The following PLCH1 variants were observed in gnomAD, a reference collection of about 807,000 sequenced individuals.
PLCH1 encodes phospholipase C eta 1.
Under a neutral mutation model 126.7 loss-of-function variants are expected in PLCH1, and 60 were observed. The observed-to-expected ratio is 0.47, with a 90% CI of 0.38 to 0.59. The LOEUF (loss-of-function observed/expected upper bound fraction) is 0.59, where lower values mean the gene tolerates loss of function less well. PLCH1 is among the 20% of genes least tolerant of loss of function. The pLI is 0.00. For synonymous variants in PLCH1, 719 were observed against 734.9 expected (o/e 0.98, Z 0.35); for missense variants, 1,723 against 2,040.0 (o/e 0.84, Z 2.99).
At chr3:155,499,924 A>C (rs1323788671) in intron 14 of PLCH1, among the ~76,000 whole-genome samples, 1 of 152,172 alleles carries the variant, frequency 6.6e-6, no homozygotes, top group Non-Finnish European at 1.5e-5. Context: ...CTCAAATATA[A>C]AGTTTAATTG....
intron 2 of PLCH1, among the ~76,000 whole-genome samples, chr3:155,621,310 C>A (rs1349992472): frequency 6.6e-6 from 1 of 152,146 alleles, no homozygotes; most frequent in Non-Finnish European, 1.5e-5. Flanking sequence ...GGGGGAGAAA[C>A]CAGCGCAAAA....
intron 7 of PLCH1, among the ~76,000 whole-genome samples, chr3:155,567,601 A>T (rs1057069123): frequency 2.6e-5 from 4 of 152,206 alleles, no homozygotes; most frequent in African/African-American, 9.7e-5. Context: ...CTTGGGTGGC[A>T]GCCTACATAG....
intron 2 of PLCH1, among the ~76,000 whole-genome samples, chr3:155,649,159 A>C (rs1740399977): frequency 6.6e-6 from 1 of 152,180 alleles, no homozygotes; most frequent in Non-Finnish European, 1.5e-5. Context: ...GGAGTGACTG[A>C]GACCAGGGCA....
chr3:155,699,729 C>G (rs1011361137), intron 2 of PLCH1, among the ~76,000 whole-genome samples: 1 of 152,014 alleles, frequency 6.6e-6, no homozygotes, highest in African/African-American at 2.4e-5. Context: ...GCTTTTCACT[C>G]TTCATTTTTG....
chr3:155,471,131 C>T (rs978486095), intron 21 of PLCH1, among the ~76,000 whole-genome samples: 1 of 152,232 alleles, frequency 6.6e-6, no homozygotes, highest in African/African-American at 2.4e-5. Context: ...CACAGACTGG[C>T]AAATTGGATA....
At chr3:155,517,676 T>C (rs755387823) in intron 11 of PLCH1, among the ~76,000 whole-genome samples, 1 of 152,192 alleles carries the variant, frequency 6.6e-6, no homozygotes, top group Non-Finnish European at 1.5e-5. Flanking sequence ...TATCTTGAAG[T>C]CCTTAACTTA....
rs1714461448 is a variant in PLCH1 at position 155,483,167 on chromosome 3, G to C, written c.2975-116C>G. 23 of 1,049,264 alleles carry C rather than the reference G, an allele frequency of 2.2e-5. No individual in the cohort carries two copies. The South Asian group carries it at 2.9e-4, about 13-fold the overall frequency. The allele number at this position is 1,049,264 out of a possible 1,614,324, so 65.0% of individuals were successfully genotyped here. A position where few individuals can be genotyped will look rare whatever the true frequency, so the allele number is the denominator to read the frequency against. The stretch of plus-strand genomic sequence containing the variant: ...AATGTAAATCTGTTACACTGTGACA[G>C]AATATAATTATGGATTGCATAGGTT... On this transcript the variant is annotated intron_variant, in intron 22 of 22. Transcript: ENST00000460012.
In PLCH1 at chr3:155,599,952, T is replaced by C. The variant is rs180824292; in HGVS notation, c.80-3574A>G. On this transcript the variant is annotated intron_variant, in intron 2 of 22. Coordinates refer to ENST00000460012, the MANE Select transcript of PLCH1 (RefSeq NM_014996.4). ...TTTTAGCATAAAATCATATAAATCA[T>C]ATAATATGATTTCTATGAGACCCTG... is the stretch of plus-strand genomic sequence containing the variant. Among the ~76,000 whole-genome samples the C allele has an allele frequency of 1.1e-4, 16 of 152,292 alleles. No homozygotes were observed. The East Asian group carries it at 3.1e-3, about 29-fold the overall frequency.
intron 4 of PLCH1, among the ~76,000 whole-genome samples, chr3:155,593,207 C>G (rs1160041347): frequency 6.6e-6 from 1 of 152,062 alleles, no homozygotes; most frequent in Non-Finnish European, 1.5e-5. Context: ...AGCCTTATAC[C>G]CTCACTTTAC....
intron 2 of PLCH1, among the ~76,000 whole-genome samples, chr3:155,677,142 A>G (rs1248878061): frequency 2.0e-5 from 3 of 152,000 alleles, no homozygotes; most frequent in African/African-American, 7.3e-5. Context: ...CCCTATTGCC[A>G]TTTTCTTCTC....
chr3:155,720,551 A>G (rs1747877011), intron 1 of PLCH1, among the ~76,000 whole-genome samples: 1 of 151,894 alleles, frequency 6.6e-6, no homozygotes, highest in Admixed American at 6.6e-5. Context: ...TCCTTAGCCC[A>G]CTTTTTGATG....
chr3:155,554,126 G>A lies in PLCH1; in HGVS notation c.1140C>T (p.Leu380=). Residue 380 remains leucine (L), a synonymous_variant, in exon 9 of 23, where the codon CTC becomes CTT. Transcript: ENST00000460012. ...HHGYTLTSKI[L]FRDVVETINK... is the part of the protein sequence containing the mutation. ...TGATGGTCTCCACAACATCTCTGAA[G>A]AGAATTTTTGAAGTGAGAGTGTAAC... 1 of 1,613,862 alleles carries A rather than the reference G, an allele frequency of 6.2e-7. No individual in the cohort carries two copies. Among genetic ancestry groups the A allele is most frequent in the Non-Finnish European group, 8.5e-7 (1 of 1,179,820 alleles).
chr3:155,524,650 T>C (rs947085371), intron 10 of PLCH1, among the ~76,000 whole-genome samples: 21 of 152,174 alleles, frequency 1.4e-4, no homozygotes, highest in African/African-American at 5.1e-4. Flanking sequence ...CTTATTACTT[T>C]CAATTAAGTA....
chr3:155,640,632 G>C (rs1739291193), intron 2 of PLCH1, among the ~76,000 whole-genome samples: 2 of 152,110 alleles, frequency 1.3e-5, no homozygotes, highest in Non-Finnish European at 1.5e-5. Context: ...TAAATACATA[G>C]GCTATTTCTC....
chr3:155,717,265 A>C (rs919579576), intron 1 of PLCH1, among the ~76,000 whole-genome samples: 5 of 152,246 alleles, frequency 3.3e-5, no homozygotes, highest in Non-Finnish European at 7.3e-5. Context: ...TTCCTGGAGC[A>C]GTATACAAGC....
intron 10 of PLCH1, among the ~76,000 whole-genome samples, chr3:155,541,958 G>A (rs918908660): frequency 6.6e-5 from 10 of 152,212 alleles, no homozygotes; most frequent in South Asian, 6.2e-4. Flanking sequence ...CATGAGCAAC[G>A]CAGAAGACCG....
intron 2 of PLCH1, among the ~76,000 whole-genome samples, chr3:155,614,316 CA>C (rs1735506630): frequency 6.6e-6 from 1 of 151,838 alleles, no homozygotes; most frequent in South Asian, 2.1e-4. Flanking sequence ...CATATGGAAC[CA>C]AAAAAGAGCC....
At chr3:155,462,575 C>T (rs891188438) in intron 21 of PLCH1, among the ~76,000 whole-genome samples, 1 of 152,108 alleles carries the variant, frequency 6.6e-6, no homozygotes, top group African/African-American at 2.4e-5. Context: ...ATCTTGTTCT[C>T]GTACAACATT....
rs369529364 is a variant in PLCH1, at chr3:155,550,777, T to C, written c.1191-819A>G. Among the ~76,000 whole-genome samples, 4 of 152,240 alleles carry C rather than the reference T, an allele frequency of 2.6e-5. No homozygotes were observed. The East Asian group carries it at 7.7e-4, about 29-fold the overall frequency. ...GTCTTCAGACATAATAGGCAATATA[T>C]TTAAATCACCTAATATATCAACATA... On this transcript the variant is annotated intron_variant, in intron 9 of 22. Coordinates refer to ENST00000460012, the MANE Select transcript of PLCH1 (RefSeq NM_014996.4).
Sources: allele counts gnomAD v4.1 joint callset (sites outside exome capture counted in the v4.1 genomes callset), GRCh38; gene constraint gnomAD v4.1.1; transcripts MANE v1.5; gene names NCBI Gene and HGNC (gene_info 2026-07-23, HGNC 2026-07-21).